Variants in LMBRD1 observed in about 807,000 individuals in gnomAD.
LMBRD1 encodes lysosomal cobalamin transport escort protein LMBD1.
A neutral mutation model predicts 74.8 loss-of-function variants in LMBRD1; 64 were observed. That is an observed-to-expected ratio of 0.86 (90% CI 0.70 to 1.05). LMBRD1 has a LOEUF of 1.05. Ranked by LOEUF, LMBRD1 falls within the 50% of genes least tolerant of loss-of-function variation. The pLI, the probability that LMBRD1 is intolerant of heterozygous loss-of-function variation, is 0.00. For synonymous variants in LMBRD1, 204 were observed against 216.3 expected (o/e 0.94, Z 0.50); for missense variants, 652 against 645.9 (o/e 1.01, Z -0.10).
At chr6:69,795,307 C>T (rs1259705116) in intron 1 of LMBRD1, among the ~76,000 whole-genome samples, 1 of 152,216 alleles carries the variant, frequency 6.6e-6, no homozygotes, top group Non-Finnish European at 1.5e-5. Flanking sequence ...CCAAACTCTA[C>T]CACAATTCTC....
At chr6:69,740,755 T>C (rs74686369) in intron 6 of LMBRD1, among the ~76,000 whole-genome samples, 2,463 of 152,310 alleles carry the variant, frequency 0.016, 53 homozygotes, top group African/African-American at 0.055. Context: ...TTTTTCTGCA[T>C]AGTATTTATA....
chr6:69,776,852 A>G (rs2149891079), intron 3 of LMBRD1, among the ~76,000 whole-genome samples: 1 of 152,208 alleles, frequency 6.6e-6, no homozygotes, highest in East Asian at 1.9e-4. Flanking sequence ...ACCATTCTGT[A>G]TTATTTAAAA....
intron 13 of LMBRD1, among the ~76,000 whole-genome samples, chr6:69,698,261 G>T (rs2149843025): frequency 6.6e-6 from 1 of 152,030 alleles, no homozygotes; most frequent in Non-Finnish European, 1.5e-5. Context: ...GGGTTGATAG[G>T]TTCGTTAGAT....
In LMBRD1 at chr6:69,716,017, T is replaced by C. The variant is rs973871603; in HGVS notation, c.763-2220A>G. Reference sequence around the variant, plus strand: ...CACATTTTCTTTATGCAGTCTACCATTGATGAGCATTTAGGTTGATTCCAT... The same window carrying C: ...CACATTTTCTTTATGCAGTCTACCACTGATGAGCATTTAGGTTGATTCCAT... On this transcript the variant is annotated intron_variant, in intron 8 of 15. Coordinates refer to ENST00000649934, the MANE Select transcript of LMBRD1 (RefSeq NM_018368.4). Among the ~76,000 whole-genome samples the C allele has an allele frequency of 3.3e-5, 5 of 152,222 alleles. No homozygotes were observed. The East Asian group carries it at 5.8e-4, about 18-fold the overall frequency.
intron 8 of LMBRD1, 98 bp from the exon 9 acceptor site, chr6:69,713,895 G>T: frequency 7.5e-7 from 1 of 1,339,632 alleles, no homozygotes. Context: ...TTTCAGGATG[G>T]ACACTCTTTA....
At chr6:69,730,074 A>T (rs1766823063) in intron 7 of LMBRD1, among the ~76,000 whole-genome samples, 2 of 152,048 alleles carry the variant, frequency 1.3e-5, no homozygotes, top group Admixed American at 1.3e-4. Context: ...AAGAGATTGT[A>T]TAGTTTAAAA....
At chr6:69,750,577 T>C (rs1414621252) in intron 4 of LMBRD1, among the ~76,000 whole-genome samples, 1 of 152,132 alleles carries the variant, frequency 6.6e-6, no homozygotes, top group Non-Finnish European at 1.5e-5. Context: ...ATGTTTCACA[T>C]AGTTCTTATT....
chr6:69,690,865 C>A (rs1244603799), intron 14 of LMBRD1, among the ~76,000 whole-genome samples: 2 of 152,094 alleles, frequency 1.3e-5, no homozygotes, highest in Non-Finnish European at 2.9e-5. Context: ...TCCATACAAT[C>A]CTACTAAAAC....
chr6:69,777,692 A>G (rs56244815), intron 3 of LMBRD1, among the ~76,000 whole-genome samples: 17,174 of 151,404 alleles, frequency 0.11, 2,730 homozygotes, highest in African/African-American at 0.35. Flanking sequence ...AAAAAAAAAA[A>G]GGGGGAGAGA....
intron 3 of LMBRD1, among the ~76,000 whole-genome samples, chr6:69,770,191 G>A (rs911740692): frequency 1.3e-5 from 2 of 152,136 alleles, no homozygotes; most frequent in Admixed American, 6.5e-5. Flanking sequence ...ATAAACAATA[G>A]CACTAGAAGT....
intron 1 of LMBRD1, among the ~76,000 whole-genome samples, chr6:69,796,030 C>T (rs1193221300): frequency 6.6e-6 from 1 of 152,222 alleles, no homozygotes; most frequent in African/African-American, 2.4e-5. Flanking sequence ...ATAAATTGAA[C>T]TCCCAAATAA....
At chr6:69,780,397 G>A (rs1424078131) in intron 3 of LMBRD1, 97 bp downstream of exon 3, 15 of 887,818 alleles carry the variant, frequency 1.7e-5, no homozygotes, top group East Asian at 2.5e-5. Context: ...TTTCTAATTC[G>A]ACCCAAGAGG....
chr6:69,693,720 C>T (rs1344210348), intron 14 of LMBRD1, among the ~76,000 whole-genome samples: 4 of 151,810 alleles, frequency 2.6e-5, no homozygotes, highest in Non-Finnish European at 4.4e-5. Flanking sequence ...AAGTCCCTCA[C>T]CATCCCTCAT....
chr6:69,706,821 T>C (rs2149848581), intron 9 of LMBRD1, among the ~76,000 whole-genome samples: 2 of 152,298 alleles, frequency 1.3e-5, no homozygotes, highest in East Asian at 3.9e-4. Flanking sequence ...TGGCTTTTCA[T>C]ATTTAAAAGT....
intron 2 of LMBRD1, among the ~76,000 whole-genome samples, chr6:69,786,210 A>C (rs1182039356): frequency 6.6e-6 from 1 of 152,212 alleles, no homozygotes; most frequent in African/African-American, 2.4e-5. Context: ...TATTTAGTAA[A>C]TATTAAGTAA....
At chr6:69,705,778 C>A in intron 9 of LMBRD1, 1 of 1,179,862 alleles carries the variant, frequency 8.5e-7, no homozygotes, top group Non-Finnish European at 1.2e-6. Context: ...TCCTCCTCCT[C>A]TTCATCTACT....
In LMBRD1 at chr6:69,676,664, G is replaced by C; in HGVS notation, c.1418-123C>G. On this transcript the variant is annotated intron_variant, in intron 14 of 15. Transcript: ENST00000649934. ...AAGATCATATGGCTAGTAAGTGTCA[G>C]AGATGGTACTGAAACTTAGGTCTCT... 6.3e-6 allele frequency: 5 copies of C among 797,766 alleles called. No homozygotes were observed. The South Asian group carries it at 7.3e-5, about 12-fold the overall frequency. 49.4% of individuals were successfully genotyped at this position (797,766 alleles called of 1,614,324 possible).
chr6:69,768,643 T>C (rs1002661423), intron 3 of LMBRD1, among the ~76,000 whole-genome samples: 2 of 152,190 alleles, frequency 1.3e-5, no homozygotes, highest in South Asian at 2.1e-4. Flanking sequence ...AGTGCCTTTA[T>C]ATTAAACATT....
chr6:69,787,710 G>T (rs1023570384), intron 2 of LMBRD1, among the ~76,000 whole-genome samples: 1 of 151,910 alleles, frequency 6.6e-6, no homozygotes, highest in Non-Finnish European at 1.5e-5. Flanking sequence ...CTCAAAAAAA[G>T]AAAAGTAGAA....
Sources: gnomAD v4.1 joint callset for allele counts (sites outside exome capture counted in the v4.1 genomes callset) on GRCh38, gnomAD v4.1.1 for gene constraint, MANE v1.5 for transcripts, NCBI Gene and HGNC (gene_info 2026-07-23, HGNC 2026-07-21) for gene names.